SYNCRIP: variants seen among roughly 807,000 people sequenced by gnomAD.
SYNCRIP encodes the protein heterogeneous nuclear ribonucleoprotein Q.
In SYNCRIP, 9 loss-of-function variants were observed where a neutral mutation model predicts 68.9. That is an observed-to-expected ratio of 0.13 (90% CI 0.08 to 0.23). The LOEUF (loss-of-function observed/expected upper bound fraction) is 0.23, where lower values mean the gene tolerates loss of function less well. SYNCRIP is among the 10% of genes least tolerant of loss of function. SYNCRIP has a pLI of 1.00. For missense variants in SYNCRIP, 414 were observed against 770.6 expected (o/e 0.54, Z 5.48); for synonymous variants, 258 against 254.0 (o/e 1.02, Z -0.15).
At chr6:85,623,162 A>G (rs1334549854) in intron 7 of SYNCRIP, among the ~76,000 whole-genome samples, 1 of 152,226 alleles carries the variant, frequency 6.6e-6, no homozygotes, top group African/African-American at 2.4e-5. Flanking sequence ...TAACAGGCTG[A>G]TAATTTGTTA....
chr6:85,625,338 C>G (rs1458750739), intron 6 of SYNCRIP, among the ~76,000 whole-genome samples: 1 of 151,392 alleles, frequency 6.6e-6, no homozygotes, highest in Non-Finnish European at 1.5e-5. Context: ...TTTCTCCTCT[C>G]TCTCTCAAAT....
chr6:85,641,262 T>C, intron 2 of SYNCRIP, 30 bp downstream of exon 2: 5 of 1,578,720 alleles, frequency 3.2e-6, no homozygotes, highest in Non-Finnish European at 4.3e-6. Flanking sequence ...AAAAATTTCA[T>C]AATGTAATTT....
At chr6:85,636,669 TCTTA>T (rs1404234430) in intron 6 of SYNCRIP, among the ~76,000 whole-genome samples, 2 of 152,170 alleles carry the variant, frequency 1.3e-5, no homozygotes, top group Non-Finnish European at 2.9e-5. Context: ...CAGTTACTTT[TCTTA>T]ATCTTTTCAC....
At chr6:85,620,348 T>C (rs952362640) in intron 8 of SYNCRIP, among the ~76,000 whole-genome samples, 2 of 152,160 alleles carry the variant, frequency 1.3e-5, no homozygotes, top group African/African-American at 2.4e-5. Flanking sequence ...TTATAACTGA[T>C]AGAAACTAGT....
At chr6:85,608,422 TACAG>T (rs2128272238) in exon 12 of SYNCRIP, 1 of 152,070 alleles carries the variant, frequency 6.6e-6, no homozygotes, top group South Asian at 2.1e-4. Flanking sequence ...TCAGAGGCAG[TACAG>T]ATAGTACAGA....
At chr6:85,630,411 C>T (rs1471900527) in intron 6 of SYNCRIP, among the ~76,000 whole-genome samples, 2 of 152,176 alleles carry the variant, frequency 1.3e-5, no homozygotes, top group Non-Finnish European at 2.9e-5. Flanking sequence ...CAGATTTCAT[C>T]TATTCCAATG....
intron 6 of SYNCRIP, among the ~76,000 whole-genome samples, chr6:85,629,516 C>CAAAAAAAAAAAAAAAAAAAAAA (rs781083306): frequency 1.5e-5 from 1 of 64,922 alleles, no homozygotes; most frequent in South Asian, 7.0e-4. Context: ...ACTAAAAATA[C>CAAAAAAAAAAAAAAAAAAAAAA]AAAAAAAAAA....
At position 85,623,545 on chromosome 6, in the gene SYNCRIP, C is replaced by CA. The variant is rs917901430; in HGVS notation, c.802+431dup. 8.5e-4 allele frequency among the ~76,000 whole-genome samples: 35 copies of CA among 41,110 alleles called. 2 individuals carry two copies. Among genetic ancestry groups the CA allele is most frequent in the Admixed American group, 2.9e-3 (9 of 3,150 alleles). The allele number at this position is 41,110 out of a possible 152,430, so 27.0% of individuals were successfully genotyped here. ...CACCAGCACACTCCAGCCTGGGCAA[C>CA]AAAGCAAGACTGTCTCCAAAAAAAA... On this transcript the variant is annotated intron_variant, in intron 7 of 10. Coordinates refer to ENST00000369622, the MANE Select transcript of SYNCRIP (RefSeq NM_006372.5).
chr6:85,639,231 C>G (rs889025199), intron 4 of SYNCRIP, among the ~76,000 whole-genome samples: 10 of 151,430 alleles, frequency 6.6e-5, no homozygotes, highest in African/African-American at 9.7e-5. Context: ...AACAAACAAA[C>G]AAAAAATTAA....
At chr6:85,637,450 T>C in intron 4 of SYNCRIP, 94 bp from the exon 5 acceptor site, 1 of 812,278 alleles carries the variant, frequency 1.2e-6, no homozygotes, top group Non-Finnish European at 1.9e-6. Context: ...ATCTTTCCAA[T>C]TATCTTGGCA....
chr6:85,621,851 A>T (rs1485238158), intron 8 of SYNCRIP, among the ~76,000 whole-genome samples: 1 of 152,208 alleles, frequency 6.6e-6, no homozygotes, highest in Non-Finnish European at 1.5e-5. Context: ...TAATGGTGCC[A>T]TTCTCAAAAA....
At chr6:85,632,489 G>A (rs1182951803) in intron 6 of SYNCRIP, among the ~76,000 whole-genome samples, 2 of 152,140 alleles carry the variant, frequency 1.3e-5, no homozygotes, top group Admixed American at 6.5e-5. Context: ...ATTCATGTCC[G>A]CAAATGAATA....
downstream of SYNCRIP, chr6:85,612,942 G>T: frequency 1.3e-6 from 2 of 1,550,128 alleles, no homozygotes; most frequent in Non-Finnish European, 1.7e-6. Flanking sequence ...GTAACAAAAG[G>T]AATCAGTTAG....
intron 8 of SYNCRIP, 140 bp from the exon 9 acceptor site, chr6:85,619,557 C>T (rs1025513725): frequency 5.7e-6 from 4 of 706,794 alleles, no homozygotes; most frequent in Non-Finnish European, 8.8e-6. Flanking sequence ...AAGTTTTCAA[C>T]TCCTTGGGTA....
rs1472100085 is a variant in SYNCRIP, at chr6:85,637,437, C to T, written c.376-81G>A. ...TTTAGCAGTTAACATCCATCTTGCT[C>T]AAATCTTTCCAATTATCTTGGCATG... On this transcript the variant is annotated intron_variant, in intron 4 of 10. Coordinates refer to ENST00000369622, the MANE Select transcript of SYNCRIP (RefSeq NM_006372.5). 5.7e-6 allele frequency: 5 copies of T among 876,912 alleles called. No homozygotes were observed. In the East Asian group the frequency reaches 9.8e-5, roughly 17 times the overall value. 54.3% of individuals were successfully genotyped at this position (876,912 alleles called of 1,614,324 possible).
At position 85,622,557 on chromosome 6, in the gene SYNCRIP, G is replaced by C. The variant is rs763040436; in HGVS notation, c.933C>G (p.Val311=). 4 of 1,614,068 alleles carry C rather than the reference G, an allele frequency of 2.5e-6. No individual in the cohort carries two copies. Residue 311 remains valine, a synonymous_variant, in exon 8 of 11, where the codon GTC becomes GTG. Transcript: ENST00000369622. ...QARRRLMSGK[V]KVWGNVGTVE... ...CAGTTCCAACATTCCCCCAGACCTTGACTTTACCACTCATTAACCTACGCC... is the reference window on the plus strand; with the variant it reads ...CAGTTCCAACATTCCCCCAGACCTTCACTTTACCACTCATTAACCTACGCC...
intron 4 of SYNCRIP, 134 bp downstream of exon 4, chr6:85,640,084 TAAA>T: frequency 6.1e-6 from 4 of 652,604 alleles, no homozygotes; most frequent in East Asian, 5.4e-5. Context: ...TAAAAAAACT[TAAA>T]AAAAGGAATT....
intron 9 of SYNCRIP, 89 bp from the exon 10 acceptor site, chr6:85,619,028 G>T: frequency 1.5e-6 from 2 of 1,375,162 alleles, no homozygotes; most frequent in South Asian, 1.3e-5. Context: ...TCATTAATGT[G>T]GGAAGGACAA....
chr6:85,638,934 G>A (rs1032991162), intron 4 of SYNCRIP, among the ~76,000 whole-genome samples: 3 of 152,190 alleles, frequency 2.0e-5, no homozygotes, highest in Admixed American at 2.0e-4. Context: ...AAGCAGCCAG[G>A]CATGGTGGCT....
Sources: allele counts gnomAD v4.1 joint callset (sites outside exome capture counted in the v4.1 genomes callset), GRCh38; gene constraint gnomAD v4.1.1; transcripts MANE v1.5; gene names NCBI Gene and HGNC (gene_info 2026-07-23, HGNC 2026-07-21).